Variants in JAK2 observed in about 807,000 individuals in gnomAD.
JAK2 encodes Janus kinase 2, also known as tyrosine-protein kinase JAK2.
In JAK2, 86 loss-of-function variants were observed where a neutral mutation model predicts 139.3. The observed-to-expected ratio is 0.62, with a 90% CI of 0.52 to 0.74. The LOEUF is 0.74. JAK2 is among the 30% of genes least tolerant of loss of function. The pLI, the probability that JAK2 is intolerant of heterozygous loss-of-function variation, is 0.00. For synonymous variants in JAK2, 490 were observed against 437.7 expected (o/e 1.12, Z -1.49); for missense variants, 1,421 against 1,360.3 (o/e 1.04, Z -0.70).
At chr9:5,085,421 TG>T (rs1400798145) in intron 19 of JAK2, 1 of 752,706 alleles carries the variant, frequency 1.3e-6, no homozygotes, top group Non-Finnish European at 2.5e-6. Flanking sequence ...TTACAACTGT[TG>T]GCTATCAGGC....
intron 19 of JAK2, among the ~76,000 whole-genome samples, chr9:5,082,709 C>T (rs560962880): frequency 4.6e-5 from 7 of 152,348 alleles, no homozygotes; most frequent in South Asian, 2.1e-4. Context: ...TGCGGCTTTC[C>T]GCAGTGCATT....
At chr9:5,052,069 G>A (rs968446937) in intron 6 of JAK2, among the ~76,000 whole-genome samples, 8 of 152,036 alleles carry the variant, frequency 5.3e-5, no homozygotes, top group African/African-American at 1.7e-4. Context: ...CTTAGATGTC[G>A]TTACATAGAA....
Position 5,069,142 on chromosome 9 carries a change from A to ATCT in JAK2, c.1448_1449insCTT (p.Met483delinsIleLeu). 6.2e-7 allele frequency: 1 copy of ATCT among 1,613,298 alleles called. No individual in the cohort carries two copies. The highest frequency in any genetic ancestry group is 8.5e-7 in the Non-Finnish European group (1 of 1,179,436). On this transcript the variant is annotated protein_altering_variant, in exon 11 of 25. Coordinates refer to ENST00000381652, the MANE Select transcript of JAK2 (RefSeq NM_004972.4). Reference sequence around the variant, plus strand: ...TAAAGATCTTTTGAATTGTTACCAGATGGAAACTGTTCGCTCAGACAATAT... The same window carrying ATCT: ...TAAAGATCTTTTGAATTGTTACCAGATCTTGGAAACTGTTCGCTCAGACAATAT...
At chr9:5,087,145 T>G (rs1403921996) in intron 19 of JAK2, among the ~76,000 whole-genome samples, 2 of 152,202 alleles carry the variant, frequency 1.3e-5, no homozygotes, top group African/African-American at 4.8e-5. Context: ...ACGCTGCAAA[T>G]AAAGACATAC....
intron 4 of JAK2, among the ~76,000 whole-genome samples, chr9:5,039,534 A>T (rs1816329382): frequency 6.6e-6 from 1 of 152,156 alleles, no homozygotes; most frequent in African/African-American, 2.4e-5. Context: ...TACTGCATAG[A>T]TACCAAAGGA....
intron 19 of JAK2, chr9:5,085,796 G>A: frequency 1.3e-6 from 1 of 755,916 alleles, no homozygotes; most frequent in Non-Finnish European, 2.5e-6. Context: ...TACATGCTCG[G>A]GCCATTAGTA....
intron 22 of JAK2, among the ~76,000 whole-genome samples, chr9:5,105,452 A>G (rs983753095): frequency 2.6e-5 from 4 of 152,216 alleles, no homozygotes; most frequent in African/African-American, 4.8e-5. Flanking sequence ...ATGCTCATGG[A>G]TAGGAAGAAT....
chr9:5,062,473 T>C (rs7859390), intron 8 of JAK2, among the ~76,000 whole-genome samples: 1 of 134,268 alleles, frequency 7.4e-6, no homozygotes, highest in Non-Finnish European at 1.5e-5. Context: ...CTTGCTCCAC[T>C]TAAGTTTGTC....
chr9:5,007,639 C>T (rs567921532), intron 2 of JAK2, among the ~76,000 whole-genome samples: 178 of 151,762 alleles, frequency 1.2e-3, no homozygotes, highest in Non-Finnish European at 2.1e-3. Context: ...AAAGTAATTG[C>T]GTTTTTTACT....
chr9:5,000,794 G>C (rs951769895), intron 2 of JAK2, among the ~76,000 whole-genome samples: 1 of 152,154 alleles, frequency 6.6e-6, no homozygotes, highest in Admixed American at 6.5e-5. Flanking sequence ...TATGTATTAA[G>C]TAAGAACTGG....
chr9:5,111,718 G>C (rs1287801385), intron 22 of JAK2: 2 of 433,044 alleles, frequency 4.6e-6, no homozygotes, highest in Non-Finnish European at 9.2e-6. Flanking sequence ...GCCTGCACCA[G>C]CACGAGCGCG....
At chr9:5,064,736 T>G (rs1002609429) in intron 8 of JAK2, 147 bp from the exon 9 acceptor site, 2 of 487,810 alleles carry the variant, frequency 4.1e-6, no homozygotes, top group Admixed American at 7.8e-5. Flanking sequence ...ACATGAGAAT[T>G]TGTAATTCAT....
At chr9:5,001,448 A>G (rs1820922593) in intron 2 of JAK2, among the ~76,000 whole-genome samples, 1 of 152,110 alleles carries the variant, frequency 6.6e-6, no homozygotes. Flanking sequence ...GGACGATCTT[A>G]TGGTTTTGCT....
intron 3 of JAK2, among the ~76,000 whole-genome samples, chr9:5,025,619 C>T (rs115914813): frequency 2.9e-3 from 443 of 151,564 alleles, no homozygotes; most frequent in African/African-American, 0.01. Context: ...CTGCCACCTC[C>T]GCCTTCCAAG....
chr9:4,990,980 C>T (rs1820209530), intron 2 of JAK2, among the ~76,000 whole-genome samples: 1 of 152,152 alleles, frequency 6.6e-6, no homozygotes, highest in African/African-American at 2.4e-5. Flanking sequence ...TCTTATATAT[C>T]ACACTGTCCA....
intron 2 of JAK2, among the ~76,000 whole-genome samples, chr9:5,004,271 C>T (rs77454912): frequency 0.054 from 8,186 of 152,220 alleles, 277 homozygotes; most frequent in Middle Eastern, 0.13. Flanking sequence ...CTTTGACCAA[C>T]GTCTCCCATT....
Position 5,054,885 on chromosome 9 carries a change from G to A in JAK2, c.936+1G>A. 6.4e-7 allele frequency: 1 copy of A among 1,567,934 alleles called. No homozygotes were observed. Among genetic ancestry groups the A allele is most frequent in the Non-Finnish European group, 8.7e-7 (1 of 1,151,920 alleles). ...AGAAAGTGAGACACTGACAGAACAG[G>A]TAATCCTTAATGATATGTTCTTGTT... is the stretch of plus-strand genomic sequence containing the variant. On this transcript the variant is annotated splice_donor_variant, in intron 7 of 24. Coordinates refer to ENST00000381652, the MANE Select transcript of JAK2 (RefSeq NM_004972.4). LOFTEE classifies it high-confidence loss of function. The surrounding 1 kb of genome is among the most constrained non-coding windows in gnomAD (Gnocchi z 4.9).
chr9:5,118,591 A>T (rs1335361396), intron 22 of JAK2, among the ~76,000 whole-genome samples: 2 of 152,160 alleles, frequency 1.3e-5, no homozygotes, highest in Admixed American at 6.5e-5. Context: ...CCTCGGATGA[A>T]TATTATTTAT....
intron 5 of JAK2, among the ~76,000 whole-genome samples, chr9:5,046,268 G>A (rs1170163622): frequency 6.6e-6 from 1 of 152,022 alleles, no homozygotes; most frequent in Non-Finnish European, 1.5e-5. Flanking sequence ...CAGGTTGTTT[G>A]TTTGTTGTTA....
Sources: allele counts gnomAD v4.1 joint callset (sites outside exome capture counted in the v4.1 genomes callset), GRCh38; gene constraint gnomAD v4.1.1; non-coding constraint Gnocchi (gnomAD v3.1); transcripts MANE v1.5; gene names NCBI Gene and HGNC (gene_info 2026-07-23, HGNC 2026-07-21).